The following ARHGEF3 variants were observed in gnomAD, a reference collection of about 807,000 sequenced individuals.
ARHGEF3 encodes Rho guanine nucleotide exchange factor 3, also known as 59.8 kDA protein.
A neutral mutation model predicts 63.2 loss-of-function variants in ARHGEF3; 28 were observed. The ratio of observed to expected loss-of-function variants is 0.44; its 90% CI spans 0.33 to 0.61. The LOEUF is 0.61. Among genes scored for constraint, ARHGEF3 ranks in the 20% least tolerant of loss-of-function variants. The probability of loss-of-function intolerance (pLI) is 0.03; values close to 1 mark genes in which losing one functional copy is unlikely to be tolerated. For missense variants in ARHGEF3, 533 were observed against 659.3 expected (o/e 0.81, Z 2.10); for synonymous variants, 266 against 254.2 (o/e 1.05, Z -0.44).
intron 4 of ARHGEF3, among the ~76,000 whole-genome samples, chr3:56,845,561 T>C (rs766790887): frequency 2.0e-5 from 3 of 152,346 alleles, no homozygotes; most frequent in Non-Finnish European, 2.9e-5. Context: ...TGATTTTCCC[T>C]TTCCTTTCAC....
At chr3:56,835,241 T>C (rs2039069941) in intron 4 of ARHGEF3, among the ~76,000 whole-genome samples, 1 of 151,882 alleles carries the variant, frequency 6.6e-6, no homozygotes, top group Non-Finnish European at 1.5e-5. Context: ...AATGGTGTGA[T>C]CTCGGCTCAC....
chr3:56,799,706 A>C (rs2037545823), intron 1 of ARHGEF3, among the ~76,000 whole-genome samples: 1 of 152,210 alleles, frequency 6.6e-6, no homozygotes, highest in Non-Finnish European at 1.5e-5. Context: ...TGCGCTGATA[A>C]GGAAACCAGA....
intron 1 of ARHGEF3, among the ~76,000 whole-genome samples, chr3:57,060,128 T>A (rs1402881574): frequency 1.3e-5 from 2 of 152,064 alleles, no homozygotes; most frequent in Non-Finnish European, 2.9e-5. Context: ...AAGAGCTGAC[T>A]GGACAACATA....
At chr3:56,953,616 GGCCTGTC>G (rs1699912317) in intron 3 of ARHGEF3, among the ~76,000 whole-genome samples, 1 of 152,180 alleles carries the variant, frequency 6.6e-6, no homozygotes, top group Admixed American at 6.5e-5. Flanking sequence ...ATGTGACCAA[GGCCTGTC>G]TAATCAAAGT....
intron 2 of ARHGEF3, among the ~76,000 whole-genome samples, chr3:56,761,118 T>G (rs1402177099): frequency 6.6e-6 from 1 of 150,724 alleles, no homozygotes; most frequent in Non-Finnish European, 1.5e-5. Flanking sequence ...TAAAAAAGAA[T>G]AATAATAAAA....
At chr3:56,994,064 CAAAAAAAAAAA>C (rs60299557) in intron 2 of ARHGEF3, among the ~76,000 whole-genome samples, 2 of 59,716 alleles carry the variant, frequency 3.3e-5, no homozygotes, top group Non-Finnish European at 3.3e-5. Context: ...AACTTCGTCT[CAAAAAAAAAAA>C]AAAAAAAAAA....
rs139467276 is a variant in ARHGEF3 at position 56,834,982 on chromosome 3, A to G, written c.192+47310T>C. ...ATTTACCTTTATTTTATAATTTTCT[A>G]CAACATCCACATACTGCTAGTATAA... is the stretch of plus-strand genomic sequence containing the variant. On this transcript the variant is annotated intron_variant, in intron 4 of 12. Transcript: ENST00000338458. 8.5e-5 allele frequency among the ~76,000 whole-genome samples: 13 copies of G among 152,274 alleles called. No homozygotes were observed. The East Asian group carries it at 2.5e-3, about 29-fold the overall frequency.
chr3:56,986,411 G>A (rs541747693), intron 2 of ARHGEF3, among the ~76,000 whole-genome samples: 2 of 152,326 alleles, frequency 1.3e-5, no homozygotes, highest in South Asian at 4.1e-4. Context: ...GGGGCCCCTG[G>A]GAGCTGTAGA....
chr3:56,957,346 A>G (rs1455876013), intron 3 of ARHGEF3, among the ~76,000 whole-genome samples: 1 of 152,270 alleles, frequency 6.6e-6, no homozygotes, highest in Non-Finnish European at 1.5e-5. Context: ...AGAACCAGTC[A>G]GAACAGTATT....
chr3:56,872,329 T>C (rs988412998), intron 4 of ARHGEF3, among the ~76,000 whole-genome samples: 30 of 152,294 alleles, frequency 2.0e-4, no homozygotes, highest in African/African-American at 4.8e-5. Context: ...TTCCTTTATA[T>C]AGATAAATGT....
chr3:56,767,564 A>G (rs929148945), intron 2 of ARHGEF3, among the ~76,000 whole-genome samples: 3 of 140,476 alleles, frequency 2.1e-5, no homozygotes, highest in African/African-American at 5.4e-5. Context: ...AGCCTGGGCA[A>G]CAAAGCGAGA....
At chr3:57,024,540 T>C (rs1272805909) in intron 2 of ARHGEF3, among the ~76,000 whole-genome samples, 1 of 152,128 alleles carries the variant, frequency 6.6e-6, no homozygotes, top group Non-Finnish European at 1.5e-5. Context: ...CAGGCTGGAG[T>C]GCAGTGGTGC....
At chr3:57,006,569 T>C (rs890493567) in intron 2 of ARHGEF3, among the ~76,000 whole-genome samples, 9 of 152,116 alleles carry the variant, frequency 5.9e-5, no homozygotes, top group Non-Finnish European at 1.2e-4. Flanking sequence ...TAAAGACACA[T>C]GGCATTTCTC....
At chr3:56,792,277 G>A (rs2037128365) in intron 1 of ARHGEF3, among the ~76,000 whole-genome samples, 1 of 152,152 alleles carries the variant, frequency 6.6e-6, no homozygotes, top group African/African-American at 2.4e-5. Flanking sequence ...ACACATATAG[G>A]TTTAAATTGG....
intron 1 of ARHGEF3, chr3:57,035,295 A>T: frequency 2.1e-6 from 1 of 478,396 alleles, no homozygotes; most frequent in East Asian, 3.4e-5. Context: ...TGTCCACCAA[A>T]ATCCAATATT....
chr3:57,024,029 T>C (rs1458994713), intron 2 of ARHGEF3, among the ~76,000 whole-genome samples: 1 of 152,188 alleles, frequency 6.6e-6, no homozygotes, highest in Non-Finnish European at 1.5e-5. Flanking sequence ...GTTGGTTTCT[T>C]TGTGTCACAT....
At chr3:56,982,254 TA>T (rs76434123) in intron 2 of ARHGEF3, among the ~76,000 whole-genome samples, 677 of 141,318 alleles carry the variant, frequency 4.8e-3, no homozygotes, top group Non-Finnish European at 4.8e-3. Context: ...GAGCTCTCTT[TA>T]AAAAAAAAAA....
intron 6 of ARHGEF3, among the ~76,000 whole-genome samples, chr3:56,748,984 C>T (rs2034572354): frequency 7.5e-6 from 1 of 133,598 alleles, no homozygotes; most frequent in African/African-American, 2.8e-5. Flanking sequence ...TGGGACTCTT[C>T]TCATCCAAAG....
At chr3:57,035,072 A>T (rs1195885450) in intron 2 of ARHGEF3, 3 of 1,522,356 alleles carry the variant, frequency 2.0e-6, no homozygotes, top group Admixed American at 2.2e-5. Flanking sequence ...TATTTAGGTT[A>T]TTTGATTATT....
Sources: gnomAD v4.1 joint callset for allele counts (sites outside exome capture counted in the v4.1 genomes callset) on GRCh38, gnomAD v4.1.1 for gene constraint, MANE v1.5 for transcripts, NCBI Gene and HGNC (gene_info 2026-07-23, HGNC 2026-07-21) for gene names.